The following GNA14 variants were observed in gnomAD, a reference collection of about 807,000 sequenced individuals.
GNA14 encodes the protein guanine nucleotide-binding protein subunit alpha-14.
Under a neutral mutation model 42.0 loss-of-function variants are expected in GNA14, and 50 were observed. The ratio of observed to expected loss-of-function variants is 1.19; its 90% CI spans 0.95 to 1.51. The LOEUF is 1.51. Ranked by LOEUF, GNA14 falls within the 40% of genes most tolerant of loss-of-function variation. The pLI, the probability that GNA14 is intolerant of heterozygous loss-of-function variation, is 0.00. For missense variants in GNA14, 473 were observed against 446.2 expected (o/e 1.06, Z -0.54); for synonymous variants, 173 against 163.1 (o/e 1.06, Z -0.46).
intron 2 of GNA14, among the ~76,000 whole-genome samples, chr9:77,497,745 A>C (rs1389689916): frequency 6.6e-6 from 1 of 152,176 alleles, no homozygotes; most frequent in Non-Finnish European, 1.5e-5. Context: ...ATTTATATAC[A>C]TATGCATATA....
chr9:77,510,672 A>G (rs1239804860), intron 2 of GNA14, among the ~76,000 whole-genome samples: 2 of 152,212 alleles, frequency 1.3e-5, no homozygotes, highest in Non-Finnish European at 2.9e-5. Flanking sequence ...GCCTCTGGCC[A>G]TCTCACCAAG....
chr9:77,462,830 G>A (rs1394065091), intron 2 of GNA14, among the ~76,000 whole-genome samples: 1 of 152,080 alleles, frequency 6.6e-6, no homozygotes, highest in African/African-American at 2.4e-5. Flanking sequence ...CACCTTTTCG[G>A]GTTCAGGGAG....
intron 1 of GNA14, among the ~76,000 whole-genome samples, chr9:77,578,780 T>G (rs906502606): frequency 6.6e-6 from 1 of 152,088 alleles, no homozygotes; most frequent in Non-Finnish European, 1.5e-5. Flanking sequence ...TATGAAGAGG[T>G]AGGCTTCAAA....
At chr9:77,440,859 G>A (rs927590590) in intron 2 of GNA14, among the ~76,000 whole-genome samples, 3 of 152,014 alleles carry the variant, frequency 2.0e-5, no homozygotes, top group African/African-American at 7.3e-5. Flanking sequence ...GGGATTACAG[G>A]TGCCCACCAC....
intron 1 of GNA14, among the ~76,000 whole-genome samples, chr9:77,638,933 A>G (rs1824219333): frequency 6.6e-6 from 1 of 152,194 alleles, no homozygotes; most frequent in Admixed American, 6.5e-5. Context: ...GCCCTGTAGA[A>G]TAAAGGCATG....
At chr9:77,564,842 A>G (rs867247694) in intron 1 of GNA14, among the ~76,000 whole-genome samples, 30 of 151,506 alleles carry the variant, frequency 2.0e-4, no homozygotes, top group African/African-American at 7.0e-4. Context: ...ATTAAAAAAA[A>G]AAAAAGTTAA....
At chr9:77,488,784 TAAAAAAAAA>T (rs67416479) in intron 2 of GNA14, among the ~76,000 whole-genome samples, 10 of 53,682 alleles carry the variant, frequency 1.9e-4, no homozygotes, top group African/African-American at 6.0e-4. Context: ...CACACCTAAT[TAAAAAAAAA>T]AAAAAAAAAA....
Position 77,553,611 on chromosome 9 carries a change from T to G in GNA14, c.125-24358A>C, listed in dbSNP as rs1286942808. Among the ~76,000 whole-genome samples the G allele has an allele frequency of 2.6e-5, 4 of 152,166 alleles. 1 individual carries two copies. In the East Asian group the frequency reaches 7.9e-4, roughly 30 times the overall value. On this transcript the variant is annotated intron_variant, in intron 1 of 6. Coordinates refer to ENST00000341700, the MANE Select transcript of GNA14 (RefSeq NM_004297.4). ...GAAAATCATGCCATACCATATTTTG[T>G]TTGCAAGAGGGGCAAATTGACAAAA...
Position 77,464,276 on chromosome 9 carries a change from C to G in GNA14, c.310-29754G>C, listed in dbSNP as rs1038066618. 2.6e-5 allele frequency among the ~76,000 whole-genome samples: 4 copies of G among 152,220 alleles called. No individual in the cohort carries two copies. The East Asian group carries it at 7.7e-4, about 29-fold the overall frequency. ...TCAGGCTCCCAAAGTCCTGGGATTA[C>G]AGGCATGAGCCACCATGCCCGGCCA... is the stretch of plus-strand genomic sequence containing the variant. On this transcript the variant is annotated intron_variant, in intron 2 of 6. Transcript: ENST00000341700.
chr9:77,546,080 GGT>G (rs1837715577), intron 1 of GNA14, among the ~76,000 whole-genome samples: 1 of 151,940 alleles, frequency 6.6e-6, no homozygotes, highest in African/African-American at 2.4e-5. Context: ...AGCCGGGCGT[GGT>G]GGCGGGTGCC....
chr9:77,490,959 C>T (rs534214713), intron 2 of GNA14, among the ~76,000 whole-genome samples: 2 of 152,316 alleles, frequency 1.3e-5, no homozygotes, highest in East Asian at 3.9e-4. Flanking sequence ...AGGAGAGAAT[C>T]CTAAAAGCAG....
chr9:77,443,279 T>A (rs1835764986), intron 2 of GNA14, among the ~76,000 whole-genome samples: 1 of 152,212 alleles, frequency 6.6e-6, no homozygotes, highest in Non-Finnish European at 1.5e-5. Flanking sequence ...ATAAAAATAC[T>A]TTTAAAAGCA....
chr9:77,542,703 T>C (rs1837675487), intron 1 of GNA14, among the ~76,000 whole-genome samples: 1 of 152,226 alleles, frequency 6.6e-6, no homozygotes, highest in Non-Finnish European at 1.5e-5. Flanking sequence ...TCCCCTGGCC[T>C]TCAGGTGGCT....
intron 1 of GNA14, among the ~76,000 whole-genome samples, chr9:77,630,904 G>A (rs1175872006): frequency 6.6e-6 from 1 of 152,098 alleles, no homozygotes; most frequent in Non-Finnish European, 1.5e-5. Context: ...CTCACCAGCT[G>A]GCCCACAGCA....
intron 3 of GNA14, among the ~76,000 whole-genome samples, chr9:77,433,244 A>G (rs1420482739): frequency 6.6e-6 from 1 of 152,234 alleles, no homozygotes; most frequent in Non-Finnish European, 1.5e-5. Context: ...AGAGGATGGA[A>G]GATGATACGG....
intron 1 of GNA14, among the ~76,000 whole-genome samples, chr9:77,591,038 TAA>T: frequency 6.6e-6 from 1 of 152,140 alleles, no homozygotes; most frequent in East Asian, 1.9e-4. Flanking sequence ...TCGGCAAACT[TAA>T]AGTCATCTCA....
chr9:77,535,134 G>A (rs945323726), intron 1 of GNA14, among the ~76,000 whole-genome samples: 2 of 152,316 alleles, frequency 1.3e-5, no homozygotes, highest in Admixed American at 6.5e-5. Context: ...CAGGCCCTTG[G>A]GGGCACTCTG....
At chr9:77,447,247 A>C (rs1277355362) in intron 2 of GNA14, among the ~76,000 whole-genome samples, 2 of 152,110 alleles carry the variant, frequency 1.3e-5, no homozygotes, top group African/African-American at 4.8e-5. Context: ...CCCAGCCTCA[A>C]TGTACAATTT....
chr9:77,451,479 T>A (rs1835901090), intron 2 of GNA14, among the ~76,000 whole-genome samples: 1 of 152,178 alleles, frequency 6.6e-6, no homozygotes, highest in African/African-American at 2.4e-5. Context: ...AGAGGTCTGT[T>A]CCTGGGATCC....
Sources: allele counts gnomAD v4.1 joint callset (sites outside exome capture counted in the v4.1 genomes callset), GRCh38; gene constraint gnomAD v4.1.1; transcripts MANE v1.5; gene names NCBI Gene and HGNC (gene_info 2026-07-23, HGNC 2026-07-21).